The following SHANK2 variants were observed in gnomAD, a reference collection of about 807,000 sequenced individuals.
The protein encoded by SHANK2 is SH3 and multiple ankyrin repeat domains protein 2.
Under a neutral mutation model 133.7 loss-of-function variants are expected in SHANK2, and 43 were observed. The observed-to-expected ratio is 0.32, with a 90% CI of 0.25 to 0.41. The LOEUF (loss-of-function observed/expected upper bound fraction) is 0.41. Ranked by LOEUF, SHANK2 falls within the 10% of genes least tolerant of loss-of-function variation. The pLI, the probability that SHANK2 is intolerant of heterozygous loss-of-function variation, is 1.00. For synonymous variants in SHANK2, 1,017 were observed against 952.8 expected (o/e 1.07, Z -1.24); for missense variants, 1,994 against 2,235.8 (o/e 0.89, Z 2.18).
rs1951573835 is a variant in SHANK2 at position 71,094,552 on chromosome 11, G to T, written c.729C>A (p.Asn243Lys). The T allele has an allele frequency of 6.4e-7, 1 of 1,550,996 alleles. No individual in the cohort carries two copies. The highest frequency in any genetic ancestry group is 8.7e-7 in the Non-Finnish European group (1 of 1,146,482). The change falls in exon 7 of 26, where the codon AAC (asparagine) becomes AAA (lysine). Residue 243 changes from asparagine to lysine, a missense_variant. Around this residue, in one of 5 missense-constraint regions of SHANK2, gnomAD observed 653 missense variants for 563.4 expected, o/e 1.16. Coordinates refer to ENST00000601538, the MANE Select transcript of SHANK2 (RefSeq NM_012309.5). Reference protein sequence around the residue: ...TALHKAARARNQVALKTLLEL... With the variant: ...TALHKAARARKQVALKTLLEL... ...CCGAGTTTACCTTCAGGGCAACTTG[G>T]TTCCTCGCTCGGGCAGCTTTGTGTA... is the stretch of plus-strand genomic sequence containing the variant.
chr11:71,090,655 G>C (rs9666079), intron 8 of SHANK2, among the ~76,000 whole-genome samples: 105 of 151,528 alleles, frequency 6.9e-4, no homozygotes, highest in African/African-American at 2.4e-3. Flanking sequence ...GTGTGTGTGT[G>C]TGTGTCTGTG....
intron 17 of SHANK2, among the ~76,000 whole-genome samples, chr11:70,603,120 TGG>T (rs1554991415): frequency 1.3e-5 from 2 of 152,244 alleles, no homozygotes; most frequent in Non-Finnish European, 2.9e-5. Flanking sequence ...GAAGCGGTGG[TGG>T]GGGACCCCTC....
rs138268950 is a variant in SHANK2 at position 70,609,950 on chromosome 11, C to T, written c.2061+49878G>A. Among the ~76,000 whole-genome samples the T allele has an allele frequency of 2.2e-3, 332 of 152,130 alleles. 1 individual carries two copies. The highest frequency in any genetic ancestry group is 7.5e-3 in the African/African-American group (310 of 41,490). ...ATGACGCCGAGTGAAAGAAGCCAGG[C>T]GTAAAAGGCCACATTCTGTGATTTT... On this transcript the variant is annotated intron_variant, in intron 17 of 25. Transcript: ENST00000601538.
At chr11:71,251,014 T>C (rs575842827) in intron 1 of SHANK2, among the ~76,000 whole-genome samples, 142 of 152,272 alleles carry the variant, frequency 9.3e-4, no homozygotes, top group African/African-American at 3.3e-3. Context: ...AAAACCACTT[T>C]ATTTTCGGAT....
rs1555094322 is a variant in SHANK2 at position 71,092,567 on chromosome 11, G to C, written c.767C>G (p.Ser256Cys). Reference sequence around the variant, plus strand: ...GCCGTAACTGTCTTTATAATCTGGGGATGCACCAAGCTCTAAAAGGGTCTA... The same window carrying C: ...GCCGTAACTGTCTTTATAATCTGGGCATGCACCAAGCTCTAAAAGGGTCTA... ...ALKTLLELGA[S>C]PDYKDSYGLT... The change falls in exon 8 of 26, where the codon TCC becomes TGC. Residue 256 changes from serine to cysteine, a missense_variant. Physicochemically the swap from Ser to Cys is moderately radical, Grantham distance 112 (BLOSUM62 -1). Around this residue, in one of 5 missense-constraint regions of SHANK2, gnomAD observed 653 missense variants for 563.4 expected, o/e 1.16. Coordinates refer to ENST00000601538, the MANE Select transcript of SHANK2 (RefSeq NM_012309.5). 1 of 1,551,964 alleles carries C rather than the reference G, an allele frequency of 6.4e-7. No homozygotes were observed. Among genetic ancestry groups the C allele is most frequent in the Admixed American group, 2.0e-5 (1 of 50,990 alleles).
chr11:71,156,013 G>A (rs541134005), intron 2 of SHANK2, among the ~76,000 whole-genome samples: 2 of 152,320 alleles, frequency 1.3e-5, no homozygotes, highest in East Asian at 1.9e-4. Context: ...GGACACACAA[G>A]GGGCACCTGG....
At chr11:71,177,202 T>C (rs1479026138) in intron 2 of SHANK2, among the ~76,000 whole-genome samples, 2 of 152,034 alleles carry the variant, frequency 1.3e-5, no homozygotes, top group African/African-American at 2.4e-5. Context: ...CAGAAGAAAA[T>C]GATACCAGAT....
intron 11 of SHANK2, among the ~76,000 whole-genome samples, chr11:70,893,887 A>G (rs1949891615): frequency 6.6e-6 from 1 of 152,184 alleles, no homozygotes; most frequent in Non-Finnish European, 1.5e-5. Context: ...GGCACTTCAA[A>G]ATATGTTAGT....
At chr11:70,724,788 G>C (rs1159092594) in intron 14 of SHANK2, among the ~76,000 whole-genome samples, 1 of 152,230 alleles carries the variant, frequency 6.6e-6, no homozygotes, top group African/African-American at 2.4e-5. Flanking sequence ...CTGCGTTCCG[G>C]AAATGTCACC....
intron 1 of SHANK2, among the ~76,000 whole-genome samples, chr11:71,231,199 A>G (rs1954735623): frequency 6.6e-6 from 1 of 152,200 alleles, no homozygotes; most frequent in South Asian, 2.1e-4. Flanking sequence ...ATGTGTCTAG[A>G]ATAAAGAACT....
chr11:71,165,305 A>T (rs541968384), intron 2 of SHANK2, among the ~76,000 whole-genome samples: 2 of 152,266 alleles, frequency 1.3e-5, no homozygotes, highest in Admixed American at 1.3e-4. Flanking sequence ...AAGTGCTGAG[A>T]TTACAGGCAT....
At chr11:70,608,441 T>C (rs989272998) in intron 17 of SHANK2, among the ~76,000 whole-genome samples, 1 of 152,132 alleles carries the variant, frequency 6.6e-6, no homozygotes, top group Non-Finnish European at 1.5e-5. Flanking sequence ...TGGGGGATCA[T>C]GGGGTCTGGA....
chr11:70,623,095 G>A (rs938404302), intron 17 of SHANK2, among the ~76,000 whole-genome samples: 1 of 152,086 alleles, frequency 6.6e-6, no homozygotes, highest in South Asian at 2.1e-4. Flanking sequence ...AGAATGGCGT[G>A]AACCCGGGAG....
chr11:71,178,936 T>G (rs1252929733), intron 2 of SHANK2, among the ~76,000 whole-genome samples: 5 of 152,128 alleles, frequency 3.3e-5, no homozygotes, highest in Non-Finnish European at 7.4e-5. Flanking sequence ...TGAGCTGAGG[T>G]TGCACCACTG....
chr11:70,746,817 G>GT (rs67800725), intron 14 of SHANK2, among the ~76,000 whole-genome samples: 61 of 500 alleles, frequency 0.12, no homozygotes, highest in African/African-American at 0.38. Flanking sequence ...CCCCCACACT[G>GT]GGGGAGGGCT....
At chr11:71,082,243 T>C (rs1334789949) in intron 8 of SHANK2, among the ~76,000 whole-genome samples, 1 of 152,188 alleles carries the variant, frequency 6.6e-6, no homozygotes, top group East Asian at 1.9e-4. Context: ...GCCCTTCCTG[T>C]GCTACCTGGC....
intron 17 of SHANK2, among the ~76,000 whole-genome samples, chr11:70,636,473 ATGTG>A (rs1256918586): frequency 2.8e-5 from 4 of 143,786 alleles, no homozygotes; most frequent in African/African-American, 1.1e-4. Flanking sequence ...GCATCTGTGT[ATGTG>A]TAAGCACGTG....
At chr11:70,869,192 G>T (rs782078309) in intron 11 of SHANK2, among the ~76,000 whole-genome samples, 8 of 152,188 alleles carry the variant, frequency 5.3e-5, no homozygotes, top group Non-Finnish European at 1.0e-4. Flanking sequence ...GAGACCCCTT[G>T]ATCTCAGCCT....
chr11:70,509,712 C>T (rs555043316), intron 17 of SHANK2, among the ~76,000 whole-genome samples: 6 of 152,282 alleles, frequency 3.9e-5, no homozygotes, highest in East Asian at 3.9e-4. Context: ...GGTTGGGAGG[C>T]GGGGACTCTG....
Sources: gnomAD v4.1 joint callset for allele counts (sites outside exome capture counted in the v4.1 genomes callset) on GRCh38, gnomAD v4.1.1 for gene constraint, gnomAD v4.1.1 regional missense constraint, MANE v1.5 for transcripts, NCBI Gene and HGNC (gene_info 2026-07-23, HGNC 2026-07-21) for gene names.